Variants in HNRNPUL2 observed in about 807,000 individuals in gnomAD.
HNRNPUL2 encodes the protein heterogeneous nuclear ribonucleoprotein U-like protein 2.
In HNRNPUL2, 27 loss-of-function variants were observed where a neutral mutation model predicts 102.2. That is an observed-to-expected ratio of 0.26 (90% confidence interval 0.19 to 0.36). The LOEUF is 0.36. Ranked by LOEUF, HNRNPUL2 falls within the 10% of genes least tolerant of loss-of-function variation. The pLI is 1.00. For missense variants in HNRNPUL2, 936 were observed against 981.1 expected (o/e 0.95, Z 0.61); for synonymous variants, 458 against 387.2 (o/e 1.18, Z -2.15).
rs541427497 is a variant in HNRNPUL2 at position 62,717,843 on chromosome 11, AAGG to A, written c.1781-657_1781-655del. On this transcript the variant is annotated intron_variant, in intron 10 of 13. Coordinates refer to ENST00000301785, the MANE Select transcript of HNRNPUL2 (RefSeq NM_001079559.3). Reference sequence around the variant, plus strand: ...CCTAAAGGCATCTGCTCATCTATACAAGGAGAAGAGAAGACAAGAGTACAAGGG... The same window carrying A: ...CCTAAAGGCATCTGCTCATCTATACAAGAAGAGAAGACAAGAGTACAAGGG... 2.6e-4 allele frequency among the ~76,000 whole-genome samples: 39 copies of A among 152,338 alleles called. 1 individual carries two copies. The South Asian group carries it at 7.2e-3, about 28-fold the overall frequency.
intron 2 of HNRNPUL2, 77 bp downstream of exon 2, chr11:62,724,214 C>T (rs1349530222): frequency 2.6e-6 from 4 of 1,563,200 alleles, no homozygotes; most frequent in South Asian, 2.2e-5. Context: ...ACCCTCCTTC[C>T]AGTCTCTCCA....
rs774425620 is a variant in HNRNPUL2 at position 62,715,653 on chromosome 11, C to G, written c.2056-46G>C. ...GGAGTGAAGGTTTATGGGTTTTTGG[C>G]AGCATGACCCACCGTGACCCCCTTT... On this transcript the variant is annotated intron_variant, in intron 12 of 13. Coordinates refer to ENST00000301785, the MANE Select transcript of HNRNPUL2 (RefSeq NM_001079559.3). 32 of 1,406,956 alleles carry G rather than the reference C, an allele frequency of 2.3e-5. No homozygotes were observed. In the South Asian group the frequency reaches 3.7e-4, roughly 16 times the overall value. The allele number at this position is 1,406,956 out of a possible 1,614,324, so 87.2% of individuals were successfully genotyped here. A position where few individuals can be genotyped will look rare whatever the true frequency, so the allele number is the denominator to read the frequency against.
In HNRNPUL2 at chr11:62,721,427, ATTAGT is replaced by A; in HGVS notation, c.1483-9_1483-5del. On this transcript the variant is annotated splice_region_variant and splice_polypyrimidine_tract_variant and intron_variant, in intron 8 of 13. Coordinates refer to ENST00000301785, the MANE Select transcript of HNRNPUL2 (RefSeq NM_001079559.3). ...CTGGCTCCTCGAGACCCTTCATCTG[ATTAGT>A]TTGAGAGGAAGTGAAAAAAAAAAAC... The A allele has an allele frequency of 6.5e-7, 1 of 1,548,876 alleles. No individual in the cohort carries two copies. The highest frequency in any genetic ancestry group is 1.5e-5 in the African/African-American group (1 of 67,616).
rs1446411462 is a variant in HNRNPUL2, at chr11:62,726,623, T to C, written c.534A>G (p.Glu178=). The part of the protein sequence containing the change: ...SEVPGDKAAE[E]QGDDQDSEKS... ...GCTCGGCTGCCAGCTCCTCACCCTG[T>C]TCCTCGGCGGCCTTGTCACCCGGCA... Residue 178 remains glutamate, a synonymous_variant, in exon 1 of 14, where the codon GAA becomes GAG. Transcript: ENST00000301785. The C allele has an allele frequency of 2.5e-6, 4 of 1,583,576 alleles. No homozygotes were observed. The highest frequency in any genetic ancestry group is 4.6e-5 in the East Asian group (2 of 43,616).
chr11:62,725,331 G>A (rs1161919116), intron 1 of HNRNPUL2, among the ~76,000 whole-genome samples: 2 of 152,116 alleles, frequency 1.3e-5, no homozygotes, highest in Non-Finnish European at 2.9e-5. Flanking sequence ...CCAAGAAGCT[G>A]GGATTACCGG....
At chr11:62,724,520 T>C in intron 1 of HNRNPUL2, 94 bp from the exon 2 acceptor site, 2 of 1,416,460 alleles carry the variant, frequency 1.4e-6, no homozygotes, top group Non-Finnish European at 2.0e-6. Context: ...TCTGAGAATC[T>C]GTCTGATCAA....
chr11:62,723,789 A>G (rs942334365), intron 3 of HNRNPUL2, 63 bp from the exon 4 acceptor site: 10 of 1,609,506 alleles, frequency 6.2e-6, no homozygotes, highest in East Asian at 2.2e-5. Context: ...CCAACAGAGC[A>G]TAAGTATACC....
Position 62,726,857 on chromosome 11 carries a change from A to G in HNRNPUL2, c.300T>C (p.Ala100=). The change falls in exon 1 of 14, where the codon GCT becomes GCC. Residue 100 remains alanine, a synonymous_variant. Coordinates refer to ENST00000301785, the MANE Select transcript of HNRNPUL2 (RefSeq NM_001079559.3). ...LEDEDEEPPP[A]QALGQAAQPP... The stretch of plus-strand genomic sequence containing the variant: ...GCTGCGCGGCCTGACCCAAGGCTTG[A>G]GCAGGGGGTGGCTCCTCGTCCTCGT... The G allele has an allele frequency of 6.3e-7, 1 of 1,585,354 alleles. No individual in the cohort carries two copies. Among genetic ancestry groups the G allele is most frequent in the Non-Finnish European group, 8.5e-7 (1 of 1,173,934 alleles).
intron 10 of HNRNPUL2, 40 bp from the exon 11 acceptor site, chr11:62,717,229 C>A: frequency 6.7e-7 from 1 of 1,483,786 alleles, no homozygotes; most frequent in Non-Finnish European, 9.3e-7. Flanking sequence ...CTGAAAAGTG[C>A]ATAGATGGGT....
chr11:62,726,203 A>G (rs1824291864), intron 1 of HNRNPUL2, among the ~76,000 whole-genome samples: 2 of 152,136 alleles, frequency 1.3e-5, no homozygotes, highest in Non-Finnish European at 2.9e-5. Flanking sequence ...TTTGCTTAAC[A>G]TTTTTACGGC....
intron 1 of HNRNPUL2, 142 bp downstream of exon 1, chr11:62,726,477 G>T: frequency 1.2e-6 from 1 of 830,036 alleles, no homozygotes; most frequent in Non-Finnish European, 1.8e-6. Context: ...TCAGAAAGGT[G>T]GGTAGAGAAT....
rs779068560 is a variant in HNRNPUL2 at position 62,722,130 on chromosome 11, A to G, written c.1346T>C (p.Ile449Thr). ...TGTTTGGCATACCTCACATTCCTCT[A>G]TGGTCTTGGGAGGGACTGCAGTGCG... ...RVRTAVPPKT[I>T]EECEVILMVG... Residue 449 changes from isoleucine to threonine, a missense_variant, in exon 7 of 14, where the codon ATA becomes ACA. Transcript: ENST00000301785. 6.8e-6 allele frequency: 11 copies of G among 1,613,806 alleles called. No individual in the cohort carries two copies. The highest frequency in any genetic ancestry group is 6.7e-5 in the Admixed American group (4 of 60,002).
At chr11:62,716,877 T>C in intron 11 of HNRNPUL2, 112 bp downstream of exon 11, 2 of 1,027,266 alleles carry the variant, frequency 1.9e-6, no homozygotes, top group East Asian at 2.4e-5. Flanking sequence ...AGAAGGCACT[T>C]CCGTATTGTT....
chr11:62,715,856 G>A lies in HNRNPUL2; in HGVS notation c.2055+8C>T, dbSNP rs1026937840. On this transcript the variant is annotated splice_region_variant and intron_variant, in intron 12 of 13. Transcript: ENST00000301785. Reference sequence around the variant, plus strand: ...CAGAGTGAGGAGCAGAAGGAGAGCTGCACTCACCCCTCTGTTTCCAGGCTG... The same window carrying A: ...CAGAGTGAGGAGCAGAAGGAGAGCTACACTCACCCCTCTGTTTCCAGGCTG... The A allele has an allele frequency of 2.5e-6, 4 of 1,612,774 alleles. No homozygotes were observed. Among genetic ancestry groups the A allele is most frequent in the Non-Finnish European group, 1.7e-6 (2 of 1,178,836 alleles).
At chr11:62,722,401 A>G in intron 6 of HNRNPUL2, 21 bp from the exon 7 acceptor site, 1 of 1,610,198 alleles carries the variant, frequency 6.2e-7, no homozygotes, top group Non-Finnish European at 8.5e-7. Context: ...AAGGGACAAG[A>G]GCACTTATTG....
At chr11:62,716,432 TACAC>T (rs1052537246) in intron 11 of HNRNPUL2, among the ~76,000 whole-genome samples, 1 of 152,104 alleles carries the variant, frequency 6.6e-6, no homozygotes, top group Non-Finnish European at 1.5e-5. Context: ...CACACACACA[TACAC>T]ACACATTTTT....
intron 11 of HNRNPUL2, among the ~76,000 whole-genome samples, chr11:62,716,592 GA>G (rs1403064309): frequency 1.3e-5 from 2 of 152,042 alleles, no homozygotes; most frequent in East Asian, 3.8e-4. Flanking sequence ...CTTGTTAATC[GA>G]AATGACACAG....
At position 62,726,676 on chromosome 11, in the gene HNRNPUL2, T is replaced by C. The variant is rs1402147108; in HGVS notation, c.481A>G (p.Ser161Gly). The part of the protein sequence containing the change: ...KREEDEPEER[S>G]GDETPGSEVP... The stretch of plus-strand genomic sequence containing the variant: ...TCGGATCCCGGCGTCTCGTCCCCGC[T>C]CCGCTCCTCGGGTTCGTCTTCCTCC... The change falls in exon 1 of 14, where the codon AGC (serine) becomes GGC (glycine). Residue 161 changes from serine to glycine, a missense_variant. Physicochemically the swap from Ser to Gly is moderately conservative, Grantham distance 56. Coordinates refer to ENST00000301785, the MANE Select transcript of HNRNPUL2 (RefSeq NM_001079559.3). 6.3e-7 allele frequency: 1 copy of C among 1,599,776 alleles called. No individual in the cohort carries two copies. The highest frequency in any genetic ancestry group is 1.1e-5 in the South Asian group (1 of 90,922).
Position 62,722,340 on chromosome 11 carries a change from T to C in HNRNPUL2, c.1136A>G (p.Asn379Ser). The change falls in exon 7 of 14, where the codon AAT becomes AGT. Residue 379 changes from asparagine to serine, a missense_variant. By Grantham distance (46) the Asn-to-Ser change is conservative (BLOSUM62 1). This residue lies in a region of HNRNPUL2 where 609 missense variants were observed against 713.0 expected (regional missense o/e 0.85). Transcript: ENST00000301785. ...GAATGCCACACCTAGGTCTTCTCCA[T>C]TCTTGGAGAAGGAAAGTTCTACTTC... ...TEEVELSFSK[N>S]GEDLGVAFWI... 2 of 1,613,510 alleles carry C rather than the reference T, an allele frequency of 1.2e-6. No homozygotes were observed. The highest frequency in any genetic ancestry group is 1.7e-6 in the Non-Finnish European group (2 of 1,179,412).
Sources: allele counts gnomAD v4.1 joint callset (sites outside exome capture counted in the v4.1 genomes callset), GRCh38; gene constraint gnomAD v4.1.1; regional missense constraint gnomAD v4.1.1; transcripts MANE v1.5; gene names NCBI Gene and HGNC (gene_info 2026-07-23, HGNC 2026-07-21).